The following EVI5L variants were observed in gnomAD, a reference collection of about 807,000 sequenced individuals.
EVI5L encodes ecotropic viral integration site 5 like, also known as EVI5-like protein.
A neutral mutation model predicts 106.1 loss-of-function variants in EVI5L; 30 were observed. That is an observed-to-expected ratio of 0.28 (90% confidence interval 0.21 to 0.38). EVI5L has a LOEUF of 0.38. Ranked by LOEUF, EVI5L falls within the 10% of genes least tolerant of loss-of-function variation. The pLI, the probability that EVI5L is intolerant of heterozygous loss-of-function variation, is 1.00. For missense variants in EVI5L, 809 were observed against 1,098.0 expected, an observed-to-expected ratio of 0.74 and a Z score of 3.72; for synonymous variants, 489 against 483.3, an observed-to-expected ratio of 1.01 and a Z score of -0.15.
chr19:7,853,142 C>T lies in EVI5L; in HGVS notation c.1044C>T (p.Leu348=), dbSNP rs781446338. The change falls in exon 9 of 20, where the codon CTC becomes CTT. Residue 348 remains leucine (L), a synonymous_variant. Transcript: ENST00000538904. The part of the protein sequence containing the change: ...QFDSCPDKLV[L]KAYQVKYNPK... The stretch of plus-strand genomic sequence containing the variant: ...ACAGCTGCCCGGACAAGCTGGTCCT[C>T]AAAGCCTACCAGGTCAAGTACAACC... 5.6e-6 allele frequency: 9 copies of T among 1,614,012 alleles called. No individual in the cohort carries two copies. Among genetic ancestry groups the T allele is most frequent in the Non-Finnish European group, 6.8e-6 (8 of 1,180,042 alleles).
chr19:7,841,795 C>T (rs1282326725), intron 1 of EVI5L, among the ~76,000 whole-genome samples: 1 of 152,240 alleles, frequency 6.6e-6, no homozygotes, highest in Non-Finnish European at 1.5e-5. Flanking sequence ...TCCCCTGCCT[C>T]GCTCCCTACC....
chr19:7,858,026 C>A lies in EVI5L; in HGVS notation c.1234-165C>A. 1 of 764,814 alleles carries A rather than the reference C, an allele frequency of 1.3e-6. No homozygotes were observed. Among genetic ancestry groups the A allele is most frequent in the Non-Finnish European group, 2.1e-6 (1 of 485,912 alleles). The allele number at this position is 764,814 out of a possible 1,614,324, so 47.4% of individuals were successfully genotyped here. A position where few individuals can be genotyped will look rare whatever the true frequency, so the allele number is the denominator to read the frequency against. On this transcript the variant is annotated intron_variant, in intron 12 of 19. Coordinates refer to ENST00000538904, the MANE Select transcript of EVI5L (RefSeq NM_001159944.3). This position sits in a 1 kb window ranked among gnomAD's most constrained non-coding sequence, Gnocchi z 5.7. ...TTCCTGCCTGTCACCCACCCACGTC[C>A]CCAGGCCCAGTGGGACGCTCATCCC...
chr19:7,843,634 GGTGT>G (rs999094732), intron 1 of EVI5L, among the ~76,000 whole-genome samples: 1 of 135,698 alleles, frequency 7.4e-6, no homozygotes, highest in Non-Finnish European at 1.6e-5. Context: ...TAGGCATGAG[GGTGT>G]GTGTCGAGTG....
intron 1 of EVI5L, among the ~76,000 whole-genome samples, chr19:7,833,063 T>C (rs1455786197): frequency 1.3e-5 from 2 of 152,196 alleles, no homozygotes; most frequent in Non-Finnish European, 2.9e-5. Flanking sequence ...AGGATGACTG[T>C]GAACTCTATA....
chr19:7,845,838 C>T lies in EVI5L; in HGVS notation c.-47-658C>T, dbSNP rs1978925780. Among the ~76,000 whole-genome samples, 1 of 152,176 alleles carries T rather than the reference C, an allele frequency of 6.6e-6. No individual in the cohort carries two copies. Among genetic ancestry groups the T allele is most frequent in the South Asian group, 2.1e-4 (1 of 4,836 alleles). The stretch of plus-strand genomic sequence containing the variant: ...GGCAGGCCAAGATCTGGATACGGAT[C>T]GGAGCCCACAGCTCTGGCTCTGTGT... On this transcript the variant is annotated intron_variant, in intron 1 of 19. Coordinates refer to ENST00000538904, the MANE Select transcript of EVI5L (RefSeq NM_001159944.3). The surrounding 1 kb of genome is among the most constrained non-coding windows in gnomAD (Gnocchi z 4.0).
intron 10 of EVI5L, 141 bp from the exon 11 acceptor site, chr19:7,855,874 A>T: frequency 1.7e-6 from 1 of 605,452 alleles, no homozygotes; most frequent in Non-Finnish European, 2.5e-6. Flanking sequence ...TCGCTGACCC[A>T]GAACGTAAGA....
intron 10 of EVI5L, among the ~76,000 whole-genome samples, chr19:7,855,455 G>A (rs1336170856): frequency 3.3e-5 from 5 of 152,234 alleles, no homozygotes; most frequent in South Asian, 2.1e-4. Flanking sequence ...CAAGGGAGAC[G>A]TCTTCGAAAC....
At chr19:7,841,876 C>G (rs1462376199) in intron 1 of EVI5L, among the ~76,000 whole-genome samples, 1 of 152,204 alleles carries the variant, frequency 6.6e-6, no homozygotes, top group East Asian at 1.9e-4. Flanking sequence ...GTGATTGAGC[C>G]AGTGAGGGTC....
chr19:7,830,867 G>A (rs891077523), intron 1 of EVI5L, among the ~76,000 whole-genome samples: 1 of 78,246 alleles, frequency 1.3e-5, no homozygotes, highest in Non-Finnish European at 2.5e-5. Context: ...CTCCTATCTT[G>A]GGCCCAGAAC....
At position 7,857,044 on chromosome 19, in the gene EVI5L, C is replaced by G. The variant is rs1979562167; in HGVS notation, c.1201-48C>G. The G allele has an allele frequency of 1.3e-6, 2 of 1,551,054 alleles. No homozygotes were observed. Among genetic ancestry groups the G allele is most frequent in the African/African-American group, 1.4e-5 (1 of 73,164 alleles). On this transcript the variant is annotated intron_variant, in intron 11 of 19. Coordinates refer to ENST00000538904, the MANE Select transcript of EVI5L (RefSeq NM_001159944.3). The surrounding 1 kb of genome is among the most constrained non-coding windows in gnomAD (Gnocchi z 4.5). ...CTCCCCTCTCCTGTCCCCGCGCCTT[C>G]CGCTCTGCCTCCTCCCCCTGTCGCT... is the stretch of plus-strand genomic sequence containing the variant.
chr19:7,835,724 G>A lies in EVI5L; in HGVS notation c.-48+5343G>A, dbSNP rs1978328438. Reference sequence around the variant, plus strand: ...CCTCTGAATTCAAGCCGCTGTTCTTGTTATCCAAGGGGCAGCTCACCTGTC... The same window carrying A: ...CCTCTGAATTCAAGCCGCTGTTCTTATTATCCAAGGGGCAGCTCACCTGTC... On this transcript the variant is annotated intron_variant, in intron 1 of 19. Transcript: ENST00000538904. The surrounding 1 kb of genome is among the most constrained non-coding windows in gnomAD (Gnocchi z 4.1). Among the ~76,000 whole-genome samples, 3 of 152,160 alleles carry A rather than the reference G, an allele frequency of 2.0e-5. No homozygotes were observed. Among genetic ancestry groups the A allele is most frequent in the Admixed American group, 1.3e-4 (2 of 15,268 alleles).
chr19:7,855,384 A>G (rs1394081356), intron 10 of EVI5L, among the ~76,000 whole-genome samples: 2 of 152,046 alleles, frequency 1.3e-5, no homozygotes, highest in Admixed American at 6.6e-5. Flanking sequence ...GAGCCACTAC[A>G]CCTGGCCTAA....
At position 7,863,961 on chromosome 19, in the gene EVI5L, G is replaced by A. The variant is rs1299654155; in HGVS notation, c.*259G>A. The A allele has an allele frequency of 2.2e-6, 1 of 460,952 alleles. No homozygotes were observed. The highest frequency in any genetic ancestry group is 3.7e-6 in the Non-Finnish European group (1 of 267,232). 28.6% of individuals were successfully genotyped at this position (460,952 alleles called of 1,614,324 possible). A position where few individuals can be genotyped will look rare whatever the true frequency, so the allele number is the denominator to read the frequency against. On this transcript the variant is annotated 3_prime_UTR_variant, in exon 20 of 20. Coordinates refer to ENST00000538904, the MANE Select transcript of EVI5L (RefSeq NM_001159944.3). The surrounding 1 kb of genome is among the most constrained non-coding windows in gnomAD (Gnocchi z 7.7). ...CCCTCCGGGCCCTCTGGCGTTCCAG[G>A]GGTGCCTGGAGGGGCTGACTGCTCT... is the stretch of plus-strand genomic sequence containing the variant.
chr19:7,839,579 C>T (rs1978506936), intron 1 of EVI5L, among the ~76,000 whole-genome samples: 1 of 152,098 alleles, frequency 6.6e-6, no homozygotes, highest in African/African-American at 2.4e-5. Context: ...GCCCCATGGA[C>T]AGAGCATCAG....
rs1421332109 is a variant in EVI5L, at chr19:7,853,257, C to T, written c.1086-16C>T. The T allele has an allele frequency of 1.2e-6, 2 of 1,613,728 alleles. No individual in the cohort carries two copies. The highest frequency in any genetic ancestry group is 1.7e-6 in the Non-Finnish European group (2 of 1,179,946). ...CGAGGGCATGACAGTAACCACGGGG[C>T]CCTCCCGATCTGCAGGCTGGAGAAG... is the stretch of plus-strand genomic sequence containing the variant. On this transcript the variant is annotated splice_polypyrimidine_tract_variant and intron_variant, in intron 9 of 19. Transcript: ENST00000538904.
At chr19:7,847,195 G>A (rs1330474953) in intron 2 of EVI5L, among the ~76,000 whole-genome samples, 2 of 152,120 alleles carry the variant, frequency 1.3e-5, no homozygotes, top group South Asian at 2.1e-4. Context: ...GGGAGCCTGA[G>A]GCAGGAGAAT....
intron 1 of EVI5L, among the ~76,000 whole-genome samples, chr19:7,844,421 T>C (rs516453): frequency 0.73 from 111,417 of 151,674 alleles, 41,334 homozygotes; most frequent in South Asian, 0.84. Context: ...TGGGTTTCTT[T>C]GGTTCTGAAG....
intron 1 of EVI5L, among the ~76,000 whole-genome samples, chr19:7,839,804 T>C (rs548608232): frequency 6.6e-6 from 1 of 152,156 alleles, no homozygotes; most frequent in East Asian, 1.9e-4. Flanking sequence ...ATATCTGTGG[T>C]CCCAGATACT....
chr19:7,843,394 T>TGTGTGTGTAG (rs74992716), intron 1 of EVI5L, among the ~76,000 whole-genome samples: 1 of 117,600 alleles, frequency 8.5e-6, no homozygotes, highest in Non-Finnish European at 1.8e-5. Context: ...AGTGTGTGCA[T>TGTGTGTGTAG]AGGTGTGTGA....
Sources: gnomAD v4.1 joint callset for allele counts (sites outside exome capture counted in the v4.1 genomes callset) on GRCh38, gnomAD v4.1.1 for gene constraint, Gnocchi (gnomAD v3.1) non-coding constraint, MANE v1.5 for transcripts, NCBI Gene and HGNC (gene_info 2026-07-23, HGNC 2026-07-21) for gene names.